MARCHF1: variants seen among roughly 807,000 people sequenced by gnomAD.
MARCHF1 encodes the protein membrane associated ring-CH-type finger 1.
MARCHF1 carries 40 observed loss-of-function variants against 54.2 expected under a neutral mutation model. The observed-to-expected ratio is 0.74, with a 90% confidence interval of 0.57 to 0.96. MARCHF1 has a LOEUF of 0.96. MARCHF1 is among the 40% of genes least tolerant of loss of function. The pLI, the probability that MARCHF1 is intolerant of heterozygous loss-of-function variation, is 0.00. For missense variants in MARCHF1, 586 were observed against 656.5 expected (o/e 0.89, Z 1.17); for synonymous variants, 236 against 236.3 (o/e 1.00, Z 0.01).
At chr4:163,689,628 T>G (rs369973429) in intron 5 of MARCHF1, among the ~76,000 whole-genome samples, 2 of 152,078 alleles carry the variant, frequency 1.3e-5, no homozygotes, top group African/African-American at 2.4e-5. Context: ...ACTAACTACT[T>G]GTTACTGTAA....
In MARCHF1 at chr4:163,652,996, G is replaced by A. The variant is rs147552570; in HGVS notation, c.163-39603C>T. On this transcript the variant is annotated intron_variant, in intron 5 of 9. Transcript: ENST00000514618. ...TCAAAGGGGGGAAGGTTGGACACAG[G>A]AAATTTAAAAAATAGAAAAAAGAAA... is the stretch of plus-strand genomic sequence containing the variant. 8.0e-4 allele frequency among the ~76,000 whole-genome samples: 122 copies of A among 151,832 alleles called. 1 individual carries two copies. The highest frequency in any genetic ancestry group is 2.6e-3 in the African/African-American group (107 of 41,480).
chr4:163,607,318 T>G (rs1741177709), intron 7 of MARCHF1, among the ~76,000 whole-genome samples: 1 of 151,878 alleles, frequency 6.6e-6, no homozygotes. Flanking sequence ...ACACTGGGAT[T>G]GAGAAAAAAA....
intron 2 of MARCHF1, among the ~76,000 whole-genome samples, chr4:164,006,845 AC>A (rs1345862662): frequency 1.3e-5 from 2 of 151,944 alleles, no homozygotes; most frequent in African/African-American, 4.8e-5. Flanking sequence ...AAAAAGAAGC[AC>A]CATCCAAGAA....
intron 2 of MARCHF1, among the ~76,000 whole-genome samples, chr4:164,109,121 T>G (rs1560908782): frequency 6.6e-6 from 1 of 152,090 alleles, no homozygotes; most frequent in Non-Finnish European, 1.5e-5. Flanking sequence ...CTCCTCTGTA[T>G]GGTTCCAGAA....
intron 1 of MARCHF1, among the ~76,000 whole-genome samples, chr4:164,349,891 T>C (rs202111026): frequency 5.9e-5 from 9 of 152,180 alleles, no homozygotes; most frequent in South Asian, 4.1e-4. Flanking sequence ...CAATGTAACA[T>C]AGTGGTTAAA....
chr4:163,653,319 G>T (rs1579161033), intron 5 of MARCHF1, among the ~76,000 whole-genome samples: 1 of 151,858 alleles, frequency 6.6e-6, no homozygotes, highest in East Asian at 1.9e-4. Flanking sequence ...CAGGGGCCAG[G>T]TTATGTATAT....
intron 5 of MARCHF1, among the ~76,000 whole-genome samples, chr4:163,622,211 G>C (rs1005290687): frequency 2.6e-5 from 4 of 151,942 alleles, no homozygotes; most frequent in African/African-American, 7.3e-5. Context: ...GGCATTGTCA[G>C]TGACAGATGA....
At chr4:164,235,563 T>G (rs902027026) in intron 1 of MARCHF1, among the ~76,000 whole-genome samples, 1 of 152,116 alleles carries the variant, frequency 6.6e-6, no homozygotes, top group African/African-American at 2.4e-5. Context: ...AGGCCGGTTA[T>G]ATGCAGAAAC....
At chr4:164,242,337 C>A (rs1487699575) in intron 1 of MARCHF1, among the ~76,000 whole-genome samples, 1 of 146,988 alleles carries the variant, frequency 6.8e-6, no homozygotes, top group African/African-American at 2.5e-5. Context: ...CCCGAGCAGC[C>A]TAACTGGGAG....
chr4:163,743,489 A>G (rs1005312184), intron 4 of MARCHF1, among the ~76,000 whole-genome samples: 1 of 152,228 alleles, frequency 6.6e-6, no homozygotes, highest in Non-Finnish European at 1.5e-5. Flanking sequence ...TAATGTATAA[A>G]GTGGACACTA....
intron 5 of MARCHF1, among the ~76,000 whole-genome samples, chr4:163,632,034 T>C (rs1287511043): frequency 6.6e-6 from 1 of 152,094 alleles, no homozygotes; most frequent in Non-Finnish European, 1.5e-5. Context: ...AAAACCACAA[T>C]GAGATATCTC....
intron 1 of MARCHF1, among the ~76,000 whole-genome samples, chr4:164,366,464 G>C (rs910952838): frequency 1.3e-5 from 2 of 151,660 alleles, no homozygotes; most frequent in Non-Finnish European, 2.9e-5. Flanking sequence ...TTCTTTTTCT[G>C]TGTTGCATAC....
intron 1 of MARCHF1, among the ~76,000 whole-genome samples, chr4:164,168,376 A>G (rs765334067): frequency 6.6e-6 from 1 of 152,056 alleles, no homozygotes; most frequent in Non-Finnish European, 1.5e-5. Context: ...CATACAACCC[A>G]GTAATAATTT....
intron 4 of MARCHF1, among the ~76,000 whole-genome samples, chr4:163,708,711 C>T (rs1561031036): frequency 1.3e-5 from 2 of 151,990 alleles, no homozygotes; most frequent in Non-Finnish European, 1.5e-5. Context: ...ACTATATGAG[C>T]ATGGAAAAAG....
intron 1 of MARCHF1, among the ~76,000 whole-genome samples, chr4:164,164,735 A>G (rs1579587086): frequency 2.0e-5 from 3 of 152,050 alleles, no homozygotes; most frequent in Admixed American, 6.6e-5. Context: ...TGTGACAACA[A>G]TCAAGGCTTT....
chr4:163,874,506 T>A (rs1161508649), intron 3 of MARCHF1, among the ~76,000 whole-genome samples: 1 of 152,026 alleles, frequency 6.6e-6, no homozygotes, highest in African/African-American at 2.4e-5. Flanking sequence ...ACACTTGATT[T>A]TTTTTTAAAG....
At chr4:164,069,825 C>T (rs1274307841) in intron 2 of MARCHF1, among the ~76,000 whole-genome samples, 2 of 152,122 alleles carry the variant, frequency 1.3e-5, no homozygotes, top group East Asian at 3.8e-4. Context: ...GTATGTTTAT[C>T]ACCATGAAAT....
chr4:163,638,512 C>T (rs980952936), intron 5 of MARCHF1, among the ~76,000 whole-genome samples: 2 of 152,164 alleles, frequency 1.3e-5, no homozygotes, highest in African/African-American at 4.8e-5. Context: ...TCGCCAGAAG[C>T]TGAGCACATG....
chr4:164,028,528 A>G (rs934225967), intron 2 of MARCHF1, among the ~76,000 whole-genome samples: 4 of 152,192 alleles, frequency 2.6e-5, no homozygotes, highest in Non-Finnish European at 5.9e-5. Context: ...CAATGGTTAC[A>G]CATGGAAATA....
Sources: allele counts gnomAD v4.1 joint callset (sites outside exome capture counted in the v4.1 genomes callset), GRCh38; gene constraint gnomAD v4.1.1; transcripts MANE v1.5; gene names NCBI Gene and HGNC (gene_info 2026-07-23, HGNC 2026-07-21).